The following KIF26A variants were observed in gnomAD, a reference collection of about 807,000 sequenced individuals.
The protein encoded by KIF26A is kinesin family member 26A.
In KIF26A, 74 loss-of-function variants were observed where a neutral mutation model predicts 126.0. The observed-to-expected ratio is 0.59, with a 90% CI of 0.49 to 0.71. KIF26A has a LOEUF of 0.71. Ranked by LOEUF, KIF26A falls within the 30% of genes least tolerant of loss-of-function variation. KIF26A has a pLI of 0.00. For missense variants in KIF26A, 2,984 were observed against 2,763.3 expected (o/e 1.08, Z -1.79); for synonymous variants, 1,445 against 1,232.7 (o/e 1.17, Z -3.61).
chr14:104,144,585 G>GT (rs1377257803), intron 2 of KIF26A, among the ~76,000 whole-genome samples: 1 of 152,184 alleles, frequency 6.6e-6, no homozygotes, highest in Non-Finnish European at 1.5e-5. Context: ...AGAAGAGCTG[G>GT]TTTTTCCCTT....
chr14:104,173,102 G>A lies in KIF26A; in HGVS notation c.1546G>A (p.Val516Ile), dbSNP rs61743543. ...GGAGAGGACGGGCACCCGCTTCTCC[G>A]TCCGGGTCTCAGCCGTGGAGGTGTG... is the stretch of plus-strand genomic sequence containing the variant. ...RRERTGTRFS[V>I]RVSAVEVCGR... is the part of the protein sequence containing the mutation. The change falls in exon 8 of 15, where the codon GTC becomes ATC. Residue 516 changes from valine (V) to isoleucine (I), a missense_variant. Val to Ile is a conservative substitution (Grantham distance 29). Transcript: ENST00000423312. 1.5e-4 allele frequency: 247 copies of A among 1,606,290 alleles called. 2 individuals carry two copies. The African/African-American group carries it at 2.2e-3, about 14-fold the overall frequency.
In KIF26A at chr14:104,175,337, G is replaced by T. The variant is rs550527338; in HGVS notation, c.2549G>T (p.Cys850Phe). 7.2e-5 allele frequency: 115 copies of T among 1,603,308 alleles called. No homozygotes were observed. In the East Asian group the frequency reaches 2.0e-3, roughly 28 times the overall value. The change falls in exon 12 of 15, where the codon TGC becomes TTC. Residue 850 changes from cysteine to phenylalanine, a missense_variant. Coordinates refer to ENST00000423312, the MANE Select transcript of KIF26A (RefSeq NM_015656.2). The stretch of plus-strand genomic sequence containing the variant: ...GCGGAGCTGCAGGAGCGGCTGGAAT[G>T]CATGGACGGCAACGAGGGTCCCTCA... ...TFAELQERLE[C>F]MDGNEGPSGG...
Position 104,176,741 on chromosome 14 carries a change from C to T in KIF26A, c.3953C>T (p.Pro1318Leu). 1.9e-6 allele frequency: 3 copies of T among 1,587,472 alleles called. No homozygotes were observed. In the South Asian group the frequency reaches 3.4e-5, roughly 18 times the overall value. ...GCCACCACGCTGGGTGTGACAACGC[C>T]AGCTGTGTCCTGGGGAGATGCTCCC... ...RGATTLGVTTPAVSWGDAPTE... is the reference protein window; with the variant it reads ...RGATTLGVTTLAVSWGDAPTE... Residue 1318 changes from proline to leucine, a missense_variant, in exon 12 of 15, where the codon CCA (proline) becomes CTA (leucine). Pro to Leu is a moderately conservative substitution (Grantham distance 98). Coordinates refer to ENST00000423312, the MANE Select transcript of KIF26A (RefSeq NM_015656.2).
chr14:104,174,831 G>T (rs542976772), intron 11 of KIF26A, 151 bp from the exon 12 acceptor site: 15 of 802,162 alleles, frequency 1.9e-5, no homozygotes, highest in Admixed American at 6.1e-5. Flanking sequence ...ACTCAGTTCC[G>T]CTCCCAGCGT....
Position 104,179,335 on chromosome 14 carries a change from G to A in KIF26A, c.5416G>A (p.Ala1806Thr). The A allele has an allele frequency of 6.5e-7, 1 of 1,540,488 alleles. No homozygotes were observed. Among genetic ancestry groups the A allele is most frequent in the African/African-American group, 1.4e-5 (1 of 73,050 alleles). The change falls in exon 14 of 15, where the codon GCC (alanine) becomes ACC (threonine). Residue 1806 changes from alanine (A) to threonine (T), a missense_variant. By Grantham distance (58) the Ala-to-Thr change is moderately conservative (BLOSUM62 0). Transcript: ENST00000423312. ...GCACAAGCACCTGTGTGAGGAGCTG[G>A]CCGAGACCCAGGGCCGGCTGATGCT... ...AKHKHLCEELAETQGRLMLEP... is the reference protein window; with the variant it reads ...AKHKHLCEELTETQGRLMLEP...
At position 104,146,287 on chromosome 14, in the gene KIF26A, C is replaced by T. The variant is rs1255737958; in HGVS notation, c.289-5728C>T. Among the ~76,000 whole-genome samples the T allele has an allele frequency of 3.3e-5, 5 of 152,232 alleles. No individual in the cohort carries two copies. The East Asian group carries it at 9.7e-4, about 29-fold the overall frequency. The stretch of plus-strand genomic sequence containing the variant: ...GGGATGGTGCCAGGGGCCCAGCTTG[C>T]CTGCTGGGTGATTGGGAGAAGGCTC... On this transcript the variant is annotated intron_variant, in intron 2 of 14. Coordinates refer to ENST00000423312, the MANE Select transcript of KIF26A (RefSeq NM_015656.2).
Position 104,175,401 on chromosome 14 carries a change from C to T in KIF26A, c.2613C>T (p.Pro871=), listed in dbSNP as rs749439381. The change falls in exon 12 of 15, where the codon CCC becomes CCT. Residue 871 remains proline (P), a synonymous_variant. Coordinates refer to ENST00000423312, the MANE Select transcript of KIF26A (RefSeq NM_015656.2). Reference sequence around the variant, plus strand: ...GCACCGACGGAGCTCAGGCCAGCCCCGCCCGAGGGGGCCGGAAGCCCTCGC... The same window carrying T: ...GCACCGACGGAGCTCAGGCCAGCCCTGCCCGAGGGGGCCGGAAGCCCTCGC... The part of the protein sequence containing the change: ...PGGTDGAQAS[P]ARGGRKPSPP... 8.3e-5 allele frequency: 133 copies of T among 1,595,920 alleles called. No homozygotes were observed. The highest frequency in any genetic ancestry group is 2.0e-4 in the Admixed American group (12 of 59,248).
rs1320664979 is a variant in KIF26A, at chr14:104,180,605, T to G, written c.*815T>G. The G allele has an allele frequency of 6.5e-6, 1 of 153,760 alleles. No individual in the cohort carries two copies. The highest frequency in any genetic ancestry group is 1.5e-5 in the Non-Finnish European group (1 of 68,210). The allele number at this position is 153,760 out of a possible 1,614,324, so 9.5% of individuals were successfully genotyped here. ...CGTGGGAATTTGAAGACAAATGATC[T>G]ATGTTTTTATGGTTTTCTAGGGAAG... On this transcript the variant is annotated 3_prime_UTR_variant, in exon 15 of 15. Transcript: ENST00000423312.
Position 104,139,032 on chromosome 14 carries a change from A to C in KIF26A, c.43-11A>C. The stretch of plus-strand genomic sequence containing the variant: ...AGGCTCACTGTCCGCTTCCGCCCCC[A>C]CACCCTGCAGGTGGCCGAGGGCGGC... On this transcript the variant is annotated splice_polypyrimidine_tract_variant and intron_variant, in intron 1 of 14. Transcript: ENST00000423312. 4 of 1,347,180 alleles carry C rather than the reference A, an allele frequency of 3.0e-6. No individual in the cohort carries two copies. Among genetic ancestry groups the C allele is most frequent in the Admixed American group, 4.1e-5 (1 of 24,206 alleles). 83.5% of individuals were successfully genotyped at this position (1,347,180 alleles called of 1,614,324 possible).
At chr14:104,149,346 T>G (rs539843499) in intron 2 of KIF26A, among the ~76,000 whole-genome samples, 2 of 152,276 alleles carry the variant, frequency 1.3e-5, no homozygotes, top group South Asian at 4.1e-4. Context: ...GGGCTTTCGC[T>G]GTGGGGCCCG....
At chr14:104,168,628 G>A (rs2037929246) in intron 5 of KIF26A, among the ~76,000 whole-genome samples, 1 of 152,178 alleles carries the variant, frequency 6.6e-6, no homozygotes, top group African/African-American at 2.4e-5. Context: ...CCTGACTCTG[G>A]GTCTCCACCC....
intron 12 of KIF26A, 82 bp downstream of exon 12, chr14:104,177,980 C>T: frequency 1.5e-6 from 2 of 1,353,832 alleles, no homozygotes; most frequent in African/African-American, 1.5e-5. Context: ...GTTTACAGGG[C>T]CAGGAGATGC....
At chr14:104,159,357 A>G (rs2037812551) in intron 4 of KIF26A, among the ~76,000 whole-genome samples, 1 of 152,216 alleles carries the variant, frequency 6.6e-6, no homozygotes, top group Non-Finnish European at 1.5e-5. Context: ...CCTGTTTGGC[A>G]GGAGGATTTG....
At position 104,157,898 on chromosome 14, in the gene KIF26A, G is replaced by T; in HGVS notation, c.879G>T (p.Val293=). ...TGGTCACCCCCACCCCGGGCTCGGT[G>T]GGGGGCTCCACAGGCCCCTCAGCTG... The part of the protein sequence containing the change: ...SALVTPTPGS[V]GGSTGPSAAA... The change falls in exon 4 of 15, where the codon GTG becomes GTT. Residue 293 remains valine, a synonymous_variant. Transcript: ENST00000423312. The T allele has an allele frequency of 6.4e-7, 1 of 1,565,042 alleles. No homozygotes were observed. The highest frequency in any genetic ancestry group is 2.4e-5 in the East Asian group (1 of 41,972).
At position 104,179,646 on chromosome 14, in the gene KIF26A, G is replaced by C. The variant is rs1241901513; in HGVS notation, c.5505G>C (p.Glu1835Asp). ...CGGAGCTGGAGCCCGAGTCGGCCGAGTACCTGGCGGCCCTGGAGCGAGCCA... is the reference window on the plus strand; with the variant it reads ...CGGAGCTGGAGCCCGAGTCGGCCGACTACCTGGCGGCCCTGGAGCGAGCCA... ...VDPELEPESA[E>D]YLAALERATA... Residue 1835 changes from glutamate (E) to aspartate (D), a missense_variant, in exon 15 of 15, where the codon GAG becomes GAC. Coordinates refer to ENST00000423312, the MANE Select transcript of KIF26A (RefSeq NM_015656.2). 6.5e-7 allele frequency: 1 copy of C among 1,545,250 alleles called. No homozygotes were observed. The highest frequency in any genetic ancestry group is 2.0e-5 in the Admixed American group (1 of 50,608).
At position 104,178,665 on chromosome 14, in the gene KIF26A, G is replaced by A; in HGVS notation, c.5226G>A (p.Leu1742=). 3 of 1,558,500 alleles carry A rather than the reference G, an allele frequency of 1.9e-6. No individual in the cohort carries two copies. Among genetic ancestry groups the A allele is most frequent in the African/African-American group, 2.7e-5 (2 of 73,492 alleles). ...TGCCCCCGCCCCTGGCTGGCTCCCT[G>A]AAGGAGCCGTTCGAGATCAAGGTGT... is the stretch of plus-strand genomic sequence containing the variant. ...VDLPPPLAGS[L]KEPFEIKVYE... Residue 1742 remains leucine (L), a synonymous_variant, in exon 13 of 15, where the codon CTG becomes CTA. Coordinates refer to ENST00000423312, the MANE Select transcript of KIF26A (RefSeq NM_015656.2).
chr14:104,156,598 A>G (rs1033932625), intron 3 of KIF26A, among the ~76,000 whole-genome samples: 22 of 136,894 alleles, frequency 1.6e-4, no homozygotes, highest in Non-Finnish European at 3.3e-4. Context: ...GGTACCGGCC[A>G]TGGGTTGGGC....
In KIF26A at chr14:104,152,451, C is replaced by T. The variant is rs887986950; in HGVS notation, c.725C>T (p.Pro242Leu). The T allele has an allele frequency of 5.1e-6, 8 of 1,574,074 alleles. No homozygotes were observed. Among genetic ancestry groups the T allele is most frequent in the African/African-American group, 2.7e-5 (2 of 73,870 alleles). Reference protein sequence around the residue: ...SVSRVNSFLPPACLAEAAVAA... With the variant: ...SVSRVNSFLPLACLAEAAVAA... ...TCGCGGGTCAACAGCTTCCTCCCGC[C>T]GGCGTGCCTGGTGAGTGTCTTGCTC... The change falls in exon 3 of 15, where the codon CCG (proline) becomes CTG (leucine). Residue 242 changes from proline to leucine, a missense_variant. Pro to Leu is a moderately conservative substitution (Grantham distance 98). Transcript: ENST00000423312. This position sits in a 1 kb window ranked among gnomAD's most constrained non-coding sequence, Gnocchi z 5.9.
At position 104,175,217 on chromosome 14, in the gene KIF26A, G is replaced by T. The variant is rs1246726135; in HGVS notation, c.2429G>T (p.Gly810Val). The T allele has an allele frequency of 1.9e-6, 3 of 1,609,936 alleles. No homozygotes were observed. Among genetic ancestry groups the T allele is most frequent in the South Asian group, 1.1e-5 (1 of 90,734 alleles). The change falls in exon 12 of 15, where the codon GGT becomes GTT. Residue 810 changes from glycine to valine, a missense_variant. Transcript: ENST00000423312. ...GACCGGGAGCTCACCGACAACGAAG[G>T]TCCGCCTGACTTCGTGCCCATCATC... ...LSDRELTDNEGPPDFVPIIPA... is the reference protein window; with the variant it reads ...LSDRELTDNEVPPDFVPIIPA...
Sources: allele counts gnomAD v4.1 joint callset (sites outside exome capture counted in the v4.1 genomes callset), GRCh38; gene constraint gnomAD v4.1.1; non-coding constraint Gnocchi (gnomAD v3.1); transcripts MANE v1.5; gene names NCBI Gene and HGNC (gene_info 2026-07-23, HGNC 2026-07-21).